Variants in SH3RF1 observed in about 807,000 individuals in gnomAD.
SH3RF1 encodes E3 ubiquitin-protein ligase SH3RF1.
Under a neutral mutation model 74.0 loss-of-function variants are expected in SH3RF1, and 32 were observed. The ratio of observed to expected loss-of-function variants is 0.43; its 90% CI spans 0.33 to 0.58. The LOEUF (loss-of-function observed/expected upper bound fraction) is 0.58, where lower values mean the gene tolerates loss of function less well. Among genes scored for constraint, SH3RF1 ranks in the 20% least tolerant of loss-of-function variants. SH3RF1 has a pLI of 0.05. For synonymous variants in SH3RF1, 396 were observed against 439.6 expected (o/e 0.90, Z 1.24); for missense variants, 954 against 1,130.9 (o/e 0.84, Z 2.24).
At chr4:169,256,318 G>A (rs527386520) in intron 2 of SH3RF1, among the ~76,000 whole-genome samples, 50 of 151,884 alleles carry the variant, frequency 3.3e-4, no homozygotes, top group African/African-American at 1.1e-3. Context: ...AGGAAGGAAG[G>A]GAGGGAGAAA....
chr4:169,140,834 C>A (rs1373530512), intron 4 of SH3RF1, among the ~76,000 whole-genome samples: 2 of 152,092 alleles, frequency 1.3e-5, no homozygotes, highest in South Asian at 4.1e-4. Flanking sequence ...CTACAGGATA[C>A]AAACAGTAGA....
At chr4:169,222,269 G>C (rs891535440) in intron 2 of SH3RF1, among the ~76,000 whole-genome samples, 5 of 152,034 alleles carry the variant, frequency 3.3e-5, no homozygotes, top group African/African-American at 9.7e-5. Context: ...TTGGAGATCA[G>C]CCTGGCCAAC....
intron 2 of SH3RF1, among the ~76,000 whole-genome samples, chr4:169,164,713 G>A (rs6553422): frequency 0.32 from 48,445 of 152,068 alleles, 8,035 homozygotes; most frequent in African/African-American, 0.4. Flanking sequence ...CGTTCTGGAA[G>A]TGGGCAGTTG....
At chr4:169,103,560 G>A (rs899043613) in intron 11 of SH3RF1, among the ~76,000 whole-genome samples, 16 of 152,124 alleles carry the variant, frequency 1.1e-4, no homozygotes, top group African/African-American at 3.9e-4. Context: ...TTATTGTGTT[G>A]AAATGTTTAA....
In SH3RF1 at chr4:169,270,241, C is replaced by T. The variant is rs552802287; in HGVS notation, c.-96+618G>A. Among the ~76,000 whole-genome samples, 27 of 152,272 alleles carry T rather than the reference C, an allele frequency of 1.8e-4. 1 individual carries two copies. Among genetic ancestry groups the T allele is most frequent in the African/African-American group, 6.0e-4 (25 of 41,566 alleles). ...GGAGCCCCAGGGCTGCACCCCCGCTCCCACGGCGCCAAGCACAGGTACTCC... is the reference window on the plus strand; with the variant it reads ...GGAGCCCCAGGGCTGCACCCCCGCTTCCACGGCGCCAAGCACAGGTACTCC... On this transcript the variant is annotated intron_variant, in intron 1 of 11. Coordinates refer to ENST00000284637, the MANE Select transcript of SH3RF1 (RefSeq NM_020870.4).
chr4:169,140,092 T>G (rs1561034392), intron 4 of SH3RF1, among the ~76,000 whole-genome samples: 1 of 152,214 alleles, frequency 6.6e-6, no homozygotes, highest in African/African-American at 2.4e-5. Context: ...GCAGCACATA[T>G]TAGTATTAAA....
intron 2 of SH3RF1, among the ~76,000 whole-genome samples, chr4:169,241,350 G>A (rs994331255): frequency 6.6e-5 from 10 of 152,206 alleles, no homozygotes; most frequent in African/African-American, 1.9e-4. Context: ...ATTCAGAAGC[G>A]ACTTGAATAG....
chr4:169,184,836 G>C (rs1734577759), intron 2 of SH3RF1, among the ~76,000 whole-genome samples: 1 of 152,098 alleles, frequency 6.6e-6, no homozygotes, highest in South Asian at 2.1e-4. Context: ...ACCTAAACTG[G>C]ACTAAGCAGT....
rs116427500 is a variant in SH3RF1, at chr4:169,117,195, A to T, written c.1777+328T>A. On this transcript the variant is annotated intron_variant, in intron 9 of 11. Transcript: ENST00000284637. Reference sequence around the variant, plus strand: ...AGAAATGATCAGCACACCCGTTAGTAGAGTATCACGCAATGTCACATGGAT... The same window carrying T: ...AGAAATGATCAGCACACCCGTTAGTTGAGTATCACGCAATGTCACATGGAT... Among the ~76,000 whole-genome samples, 378 of 151,312 alleles carry T rather than the reference A, an allele frequency of 2.5e-3. 1 individual carries two copies. Among genetic ancestry groups the T allele is most frequent in the Non-Finnish European group, 3.5e-3 (235 of 67,866 alleles).
At chr4:169,234,319 AC>A (rs1005038347) in intron 2 of SH3RF1, among the ~76,000 whole-genome samples, 1 of 151,008 alleles carries the variant, frequency 6.6e-6, no homozygotes, top group African/African-American at 2.4e-5. Context: ...CACCCTCCCC[AC>A]CCCCCAAAAA....
intron 2 of SH3RF1, among the ~76,000 whole-genome samples, chr4:169,175,689 C>A (rs566722155): frequency 6.6e-6 from 1 of 152,278 alleles, no homozygotes; most frequent in Admixed American, 6.5e-5. Flanking sequence ...TGACTAGGCA[C>A]CGACCCACCC....
At position 169,098,525 on chromosome 4, in the gene SH3RF1, G is replaced by A. The variant is rs1250300174; in HGVS notation, c.2499-1838C>T. Among the ~76,000 whole-genome samples, 3 of 152,212 alleles carry A rather than the reference G, an allele frequency of 2.0e-5. No homozygotes were observed. The South Asian group carries it at 6.2e-4, about 32-fold the overall frequency. ...CTAAAAAAACACATCTCTGCAAAAGGTAAGTGGCTGCTTGAACAACCTGAG... is the reference window on the plus strand; with the variant it reads ...CTAAAAAAACACATCTCTGCAAAAGATAAGTGGCTGCTTGAACAACCTGAG... On this transcript the variant is annotated intron_variant, in intron 11 of 11. Coordinates refer to ENST00000284637, the MANE Select transcript of SH3RF1 (RefSeq NM_020870.4).
chr4:169,105,643 C>T (rs1053534306), intron 11 of SH3RF1, among the ~76,000 whole-genome samples: 1 of 152,186 alleles, frequency 6.6e-6, no homozygotes, highest in Non-Finnish European at 1.5e-5. Flanking sequence ...CCTGTAATCG[C>T]AGCATTTTGG....
Position 169,136,425 on chromosome 4 carries a change from G to A in SH3RF1, c.961C>T (p.Arg321Cys), listed in dbSNP as rs768752625. 16 of 1,607,690 alleles carry A rather than the reference G, an allele frequency of 1.0e-5. No homozygotes were observed. The East Asian group carries it at 3.1e-4, about 31-fold the overall frequency. Residue 321 changes from arginine to cysteine, a missense_variant, in exon 5 of 12, where the codon CGC becomes TGC. By Grantham distance (180) the Arg-to-Cys change is radical (BLOSUM62 -3). Around this residue, in one of 3 missense-constraint regions of SH3RF1, gnomAD observed 854 missense variants for 962.5 expected, o/e 0.89. Coordinates refer to ENST00000284637, the MANE Select transcript of SH3RF1 (RefSeq NM_020870.4). ...ANKSSQASQN[R>C]HSMEISPPVL... ...GGGGGGCTGATCTCCATGGAGTGGC[G>A]GTTCTGGGATGCCTGGGAGGACTTG... is the stretch of plus-strand genomic sequence containing the variant.
At chr4:169,236,154 T>C (rs1435998812) in intron 2 of SH3RF1, among the ~76,000 whole-genome samples, 1 of 152,236 alleles carries the variant, frequency 6.6e-6, no homozygotes. Flanking sequence ...ACATTACGAT[T>C]CTTCTCTCCC....
At chr4:169,113,996 A>C (rs1224363129) in intron 10 of SH3RF1, among the ~76,000 whole-genome samples, 2 of 152,164 alleles carry the variant, frequency 1.3e-5, no homozygotes, top group African/African-American at 4.8e-5. Flanking sequence ...AGCTGTCTGA[A>C]GATGGCACAG....
chr4:169,094,729 AAAG>A lies in SH3RF1; in HGVS notation c.*1787_*1789del, dbSNP rs2126931037. 2.6e-5 allele frequency: 1 copy of A among 38,166 alleles called. No homozygotes were observed. Among genetic ancestry groups the A allele is most frequent in the Non-Finnish European group, 7.1e-5 (1 of 14,002 alleles). 2.4% of individuals were successfully genotyped at this position (38,166 alleles called of 1,614,324 possible). ...TTATATATTACATGAATATCCAAGT[AAAG>A]TATTTTTTTTTTAAATTCAACACAC... On this transcript the variant is annotated 3_prime_UTR_variant, in exon 12 of 12. Transcript: ENST00000284637.
chr4:169,148,370 T>C (rs574563864), intron 4 of SH3RF1, among the ~76,000 whole-genome samples: 1 of 152,220 alleles, frequency 6.6e-6, no homozygotes, highest in African/African-American at 2.4e-5. Flanking sequence ...GCTACTAGAG[T>C]GTTTATTAGA....
chr4:169,267,909 T>C (rs377122189), intron 2 of SH3RF1, among the ~76,000 whole-genome samples: 128 of 152,326 alleles, frequency 8.4e-4, no homozygotes, highest in African/African-American at 1.9e-3. Context: ...TAATTTAGAA[T>C]TCCTTCTTCT....
Sources: allele counts gnomAD v4.1 joint callset (sites outside exome capture counted in the v4.1 genomes callset), GRCh38; gene constraint gnomAD v4.1.1; regional missense constraint gnomAD v4.1.1; transcripts MANE v1.5; gene names NCBI Gene and HGNC (gene_info 2026-07-23, HGNC 2026-07-21).